DCC: variants seen among roughly 807,000 people sequenced by gnomAD.
The protein encoded by DCC is DCC netrin 1 receptor, also known as netrin receptor DCC.
In DCC, 58 loss-of-function variants were observed where a neutral mutation model predicts 172.5. The observed-to-expected ratio is 0.34, with a 90% CI of 0.27 to 0.42. The LOEUF is 0.42. Ranked by LOEUF, DCC falls within the 10% of genes least tolerant of loss-of-function variation. The pLI, the probability that DCC is intolerant of heterozygous loss-of-function variation, is 1.00. For synonymous variants in DCC, 709 were observed against 644.5 expected, an observed-to-expected ratio of 1.10 and a Z score of -1.52; for missense variants, 1,740 against 1,791.0, an observed-to-expected ratio of 0.97 and a Z score of 0.51.
chr18:52,937,838 T>C (rs1374557729), intron 5 of DCC, among the ~76,000 whole-genome samples: 1 of 151,858 alleles, frequency 6.6e-6, no homozygotes, highest in Non-Finnish European at 1.5e-5. Context: ...CTTGTGACTT[T>C]TTTTACTCCT....
intron 2 of DCC, among the ~76,000 whole-genome samples, chr18:52,881,232 C>T (rs970577263): frequency 8.6e-5 from 13 of 152,008 alleles, no homozygotes; most frequent in Non-Finnish European, 1.9e-4. Context: ...GATGTTTAAG[C>T]TCCTTATATA....
At chr18:53,490,466 T>C (rs190580129) in intron 26 of DCC, among the ~76,000 whole-genome samples, 42 of 152,348 alleles carry the variant, frequency 2.8e-4, no homozygotes, top group African/African-American at 9.4e-4. Flanking sequence ...TGTATTGACA[T>C]TAATTATTAT....
intron 1 of DCC, among the ~76,000 whole-genome samples, chr18:52,509,386 A>G (rs1053509429): frequency 1.3e-5 from 2 of 152,170 alleles, no homozygotes; most frequent in African/African-American, 2.4e-5. Context: ...TCCAAAATTT[A>G]AAAGTACCTC....
intron 7 of DCC, among the ~76,000 whole-genome samples, chr18:53,102,223 A>G (rs2043183612): frequency 6.6e-6 from 1 of 152,172 alleles, no homozygotes. Context: ...ATTAGCCAGC[A>G]TCCCTTTTTC....
At chr18:52,995,588 A>G (rs1039972657) in intron 5 of DCC, among the ~76,000 whole-genome samples, 1 of 151,968 alleles carries the variant, frequency 6.6e-6, no homozygotes, top group Non-Finnish European at 1.5e-5. Context: ...TACCTTGTGA[A>G]GGTCAGAAGA....
intron 1 of DCC, among the ~76,000 whole-genome samples, chr18:52,364,406 C>T (rs2144278097): frequency 6.6e-6 from 1 of 152,182 alleles, no homozygotes; most frequent in Non-Finnish European, 1.5e-5. Context: ...TTTTGATAAA[C>T]ATTGCATGTG....
intron 1 of DCC, among the ~76,000 whole-genome samples, chr18:52,487,810 C>CAAA (rs5824940): frequency 0.037 from 2,734 of 74,318 alleles, 271 homozygotes; most frequent in South Asian, 0.1. Context: ...GACTCCACCT[C>CAAA]AAAAAAAAAA....
At chr18:53,322,231 A>G (rs2057420053) in intron 14 of DCC, 74 bp downstream of exon 14, 8 of 846,768 alleles carry the variant, frequency 9.4e-6, no homozygotes, top group Non-Finnish European at 1.6e-5. Context: ...CTCTTAAAAA[A>G]GGAATGAACT....
chr18:52,990,497 A>G (rs2041368635), intron 5 of DCC, among the ~76,000 whole-genome samples: 1 of 139,460 alleles, frequency 7.2e-6, no homozygotes, highest in African/African-American at 2.6e-5. Flanking sequence ...CCGAGATTGC[A>G]ACATTGCACT....
At chr18:53,334,426 C>A (rs1184191068) in intron 14 of DCC, among the ~76,000 whole-genome samples, 2 of 152,090 alleles carry the variant, frequency 1.3e-5, no homozygotes, top group African/African-American at 4.8e-5. Context: ...GAAAAATAGA[C>A]AAAACCTTAA....
At chr18:52,933,241 G>A (rs971424290) in intron 5 of DCC, among the ~76,000 whole-genome samples, 6 of 152,002 alleles carry the variant, frequency 3.9e-5, no homozygotes, top group South Asian at 4.1e-4. Flanking sequence ...TAAGCATTCC[G>A]CCAAGTAGTC....
chr18:53,388,351 A>T (rs1908311206), intron 16 of DCC, among the ~76,000 whole-genome samples: 1 of 152,248 alleles, frequency 6.6e-6, no homozygotes, highest in African/African-American at 2.4e-5. Context: ...TCAGTGCCAC[A>T]TAGACGGCAT....
chr18:53,397,528 G>C, intron 18 of DCC, 82 bp downstream of exon 18: 1 of 1,469,696 alleles, frequency 6.8e-7, no homozygotes. Flanking sequence ...TGTTCCCTAT[G>C]GTGTCTCAAT....
chr18:52,513,295 C>T (rs543471777), intron 1 of DCC, among the ~76,000 whole-genome samples: 4 of 152,158 alleles, frequency 2.6e-5, no homozygotes, highest in East Asian at 1.9e-4. Flanking sequence ...CCATGAGACA[C>T]GACTTCCTGA....
chr18:53,439,022 G>A (rs898143524), intron 22 of DCC, among the ~76,000 whole-genome samples: 2 of 152,312 alleles, frequency 1.3e-5, no homozygotes, highest in Admixed American at 6.5e-5. Flanking sequence ...GATGAATAAC[G>A]TATCTGAAAT....
intron 1 of DCC, among the ~76,000 whole-genome samples, chr18:52,614,900 T>A (rs889664015): frequency 6.6e-6 from 1 of 152,070 alleles, no homozygotes. Context: ...TCATCCAGAG[T>A]GGCTACTGAG....
At chr18:53,338,115 G>A (rs1319205766) in intron 14 of DCC, among the ~76,000 whole-genome samples, 2 of 152,162 alleles carry the variant, frequency 1.3e-5, no homozygotes, top group Non-Finnish European at 1.5e-5. Context: ...TCAAAGAATA[G>A]GTTACATGTG....
At chr18:52,862,876 AAGAT>A (rs1448734911) in intron 2 of DCC, among the ~76,000 whole-genome samples, 2 of 152,132 alleles carry the variant, frequency 1.3e-5, no homozygotes, top group Non-Finnish European at 2.9e-5. Context: ...GTTTACTTAA[AAGAT>A]AGATAGAAAT....
chr18:52,938,804 C>T (rs770441158), intron 5 of DCC, among the ~76,000 whole-genome samples: 7 of 152,066 alleles, frequency 4.6e-5, no homozygotes, highest in Non-Finnish European at 1.0e-4. Context: ...CATAACAGTT[C>T]AATCTCCAAA....
Sources: gnomAD v4.1 joint callset for allele counts (sites outside exome capture counted in the v4.1 genomes callset) on GRCh38, gnomAD v4.1.1 for gene constraint, MANE v1.5 for transcripts, NCBI Gene and HGNC (gene_info 2026-07-23, HGNC 2026-07-21) for gene names.